The following TANC1 variants were observed in gnomAD, a reference collection of about 807,000 sequenced individuals.
The protein encoded by TANC1 is protein TANC1.
Under a neutral mutation model 149.7 loss-of-function variants are expected in TANC1, and 77 were observed. That is an observed-to-expected ratio of 0.51 (90% CI 0.43 to 0.62). The LOEUF (loss-of-function observed/expected upper bound fraction) is 0.62. Among genes scored for constraint, TANC1 ranks in the 20% least tolerant of loss-of-function variants. TANC1 has a pLI of 0.00. For synonymous variants in TANC1, 854 were observed against 925.0 expected, an observed-to-expected ratio of 0.92 and a Z score of 1.39; for missense variants, 1,985 against 2,321.8, an observed-to-expected ratio of 0.85 and a Z score of 2.98.
At chr2:159,088,427 C>T (rs1418185372) in intron 3 of TANC1, among the ~76,000 whole-genome samples, 1 of 152,174 alleles carries the variant, frequency 6.6e-6, no homozygotes, top group Non-Finnish European at 1.5e-5. Flanking sequence ...AGCTTATTCT[C>T]TTTATCATGG....
chr2:159,037,087 G>A (rs2040251033), intron 2 of TANC1, among the ~76,000 whole-genome samples: 1 of 152,048 alleles, frequency 6.6e-6, no homozygotes, highest in Non-Finnish European at 1.5e-5. Context: ...TTGTGGTTTT[G>A]ATTTGCATTT....
intron 16 of TANC1, among the ~76,000 whole-genome samples, chr2:159,188,811 G>C (rs960830936): frequency 1.3e-5 from 2 of 152,196 alleles, no homozygotes; most frequent in Non-Finnish European, 2.9e-5. Context: ...CTGTTTTCCT[G>C]TTTTCATTAA....
At chr2:159,028,431 T>G (rs1266590088) in intron 2 of TANC1, among the ~76,000 whole-genome samples, 1 of 152,158 alleles carries the variant, frequency 6.6e-6, no homozygotes, top group Non-Finnish European at 1.5e-5. Flanking sequence ...TATTCTTTAC[T>G]GTTTATACTT....
At chr2:159,154,583 A>G (rs192329398) in intron 7 of TANC1, among the ~76,000 whole-genome samples, 2 of 152,206 alleles carry the variant, frequency 1.3e-5, no homozygotes, top group Admixed American at 1.3e-4. Flanking sequence ...CAACTGTATT[A>G]TGTTATCCAG....
Position 159,178,718 on chromosome 2 carries a change from A to T in TANC1, c.2065A>T (p.Ile689Phe). Residue 689 changes from isoleucine (I) to phenylalanine (F), a missense_variant, in exon 14 of 27, where the codon ATT (isoleucine) becomes TTT (phenylalanine). This residue lies in a region of TANC1 where 508 missense variants were observed against 714.2 expected (regional missense o/e 0.71). Transcript: ENST00000263635. ...GAATGGCAAGGCCGATGCCACACTC[A>T]TTGGAAAAGTGAGCAGCCACCTGGT... The part of the protein sequence containing the change: ...SLNGKADATL[I>F]GKVSSHLVLR... The T allele has an allele frequency of 3.1e-6, 5 of 1,614,188 alleles. No individual in the cohort carries two copies. Among genetic ancestry groups the T allele is most frequent in the East Asian group, 2.2e-5 (1 of 44,862 alleles).
chr2:159,229,073 G>A (rs979616067), intron 26 of TANC1, among the ~76,000 whole-genome samples, 177 bp downstream of exon 26: 1 of 152,070 alleles, frequency 6.6e-6, no homozygotes, highest in African/African-American at 2.4e-5. Flanking sequence ...CATTATCAGT[G>A]ATGAGTAAAC....
chr2:159,226,649 T>C (rs184360225), intron 24 of TANC1: 4 of 152,242 alleles, frequency 2.6e-5, no homozygotes, highest in South Asian at 2.1e-4. Flanking sequence ...AATGGAAATA[T>C]GATTTACAGA....
Position 159,163,390 on chromosome 2 carries a change from C to T in TANC1, c.790C>T (p.Arg264Cys), listed in dbSNP as rs55929944. ...GGTTCAGAAGGGAGTGCTTCATGAC[C>T]GCAGGGCAGATAACTGCTCCCCAGT... is the stretch of plus-strand genomic sequence containing the variant. ...LGVQKGVLHDRRADNCSPVAE... is the reference protein window; with the variant it reads ...LGVQKGVLHDCRADNCSPVAE... Residue 264 changes from arginine to cysteine, a missense_variant, in exon 8 of 27, where the codon CGC becomes TGC. Arg to Cys is a radical substitution (Grantham distance 180). Transcript: ENST00000263635. The T allele has an allele frequency of 6.2e-3, 9,965 of 1,614,158 alleles. 533 individuals are homozygous for T. In the African/African-American group the frequency reaches 0.12, roughly 19 times the overall value.
intron 1 of TANC1, among the ~76,000 whole-genome samples, chr2:158,974,589 C>G (rs111957580): frequency 0.013 from 1,993 of 152,054 alleles, 43 homozygotes; most frequent in African/African-American, 0.043. Flanking sequence ...TGTGCCACCA[C>G]GCCTGGCTAA....
intron 3 of TANC1, among the ~76,000 whole-genome samples, chr2:159,082,033 A>AGCCCT (rs1274554080): frequency 6.6e-6 from 1 of 152,252 alleles, no homozygotes; most frequent in African/African-American, 2.4e-5. Flanking sequence ...CCTGCTGCCC[A>AGCCCT]GCCCTGCCCT....
At chr2:159,179,948 G>A (rs944292187) in intron 14 of TANC1, among the ~76,000 whole-genome samples, 41 of 152,278 alleles carry the variant, frequency 2.7e-4, no homozygotes, top group African/African-American at 9.4e-4. Context: ...GAGTGGCTTC[G>A]GCTATCTGTG....
At chr2:159,114,229 A>G (rs1042269297) in intron 4 of TANC1, among the ~76,000 whole-genome samples, 20 of 152,120 alleles carry the variant, frequency 1.3e-4, no homozygotes, top group African/African-American at 4.8e-4. Context: ...CAAGCACCCA[A>G]CTGTCCTCCT....
intron 5 of TANC1, among the ~76,000 whole-genome samples, chr2:159,140,337 T>G (rs1469372750): frequency 6.6e-6 from 1 of 152,202 alleles, no homozygotes; most frequent in Non-Finnish European, 1.5e-5. Context: ...ATTTTCAGCT[T>G]CTTAGAATGG....
intron 4 of TANC1, among the ~76,000 whole-genome samples, chr2:159,116,244 G>A (rs1361011897): frequency 6.6e-6 from 1 of 152,068 alleles, no homozygotes; most frequent in Non-Finnish European, 1.5e-5. Context: ...GACCAACATG[G>A]TGAAACCCCG....
chr2:159,164,187 G>A (rs2054343093), intron 8 of TANC1, among the ~76,000 whole-genome samples: 1 of 152,062 alleles, frequency 6.6e-6, no homozygotes, highest in South Asian at 2.1e-4. Flanking sequence ...CAAGCAAGGA[G>A]AATACAGTCA....
intron 2 of TANC1, among the ~76,000 whole-genome samples, chr2:159,020,702 C>G (rs1413945429): frequency 6.6e-6 from 1 of 152,108 alleles, no homozygotes; most frequent in African/African-American, 2.4e-5. Context: ...ACTGGCTTTG[C>G]CTATGAAGCT....
At chr2:158,982,497 A>G (rs2034493473) in intron 1 of TANC1, among the ~76,000 whole-genome samples, 1 of 152,276 alleles carries the variant, frequency 6.6e-6, no homozygotes, top group Non-Finnish European at 1.5e-5. Context: ...GCCAAAGGCG[A>G]AGCCCTGTAT....
intron 1 of TANC1, among the ~76,000 whole-genome samples, chr2:158,979,541 A>G (rs977763286): frequency 2.6e-5 from 4 of 151,978 alleles, no homozygotes; most frequent in African/African-American, 9.7e-5. Flanking sequence ...TTTCATAAAG[A>G]TGGGAATCTG....
chr2:159,132,504 TG>T (rs1357127184), intron 4 of TANC1, among the ~76,000 whole-genome samples: 1 of 152,036 alleles, frequency 6.6e-6, no homozygotes, highest in East Asian at 1.9e-4. Flanking sequence ...TCTTTTGTTT[TG>T]TTTGAGACAG....
Sources: gnomAD v4.1 joint callset for allele counts (sites outside exome capture counted in the v4.1 genomes callset) on GRCh38, gnomAD v4.1.1 for gene constraint, gnomAD v4.1.1 regional missense constraint, MANE v1.5 for transcripts, NCBI Gene and HGNC (gene_info 2026-07-23, HGNC 2026-07-21) for gene names.